Variants in RAPGEF5 observed in about 807,000 individuals in gnomAD.
The protein encoded by RAPGEF5 is Rap guanine nucleotide exchange factor 5.
A neutral mutation model predicts 125.2 loss-of-function variants in RAPGEF5; 65 were observed. The ratio of observed to expected loss-of-function variants is 0.52; its 90% CI spans 0.43 to 0.64. The LOEUF (loss-of-function observed/expected upper bound fraction) is 0.64. RAPGEF5 is among the 30% of genes least tolerant of loss of function. RAPGEF5 has a pLI of 0.00. For synonymous variants in RAPGEF5, 391 were observed against 385.9 expected (o/e 1.01, Z -0.16); for missense variants, 958 against 1,048.1 (o/e 0.91, Z 1.19).
intron 18 of RAPGEF5, among the ~76,000 whole-genome samples, 161 bp downstream of exon 18, chr7:22,150,246 T>C (rs187357738): frequency 4.9e-4 from 75 of 152,092 alleles, no homozygotes; most frequent in African/African-American, 1.7e-3. Context: ...CAGTTAATTC[T>C]TAAGTTTTTT....
At position 22,167,114 on chromosome 7, in the gene RAPGEF5, A is replaced by G. The variant is rs772073070; in HGVS notation, c.1239T>C (p.Thr413=). The G allele has an allele frequency of 6.2e-7, 1 of 1,613,196 alleles. No homozygotes were observed. The highest frequency in any genetic ancestry group is 8.5e-7 in the Non-Finnish European group (1 of 1,179,456). Reference sequence around the variant, plus strand: ...ACAAGTCATCAGTTGTCATGAAGACAGTGTACGTGAGAAGGAAGTCATCCA... The same window carrying G: ...ACAAGTCATCAGTTGTCATGAAGACGGTGTACGTGAGAAGGAAGTCATCCA... The part of the protein sequence containing the change: ...TLLDDFLLTY[T]VFMTTDDLCQ... The change falls in exon 12 of 26, where the codon ACT becomes ACC. Residue 413 remains threonine, a synonymous_variant. Coordinates refer to ENST00000665637, the MANE Select transcript of RAPGEF5 (RefSeq NM_012294.5).
intron 5 of RAPGEF5, among the ~76,000 whole-genome samples, chr7:22,304,142 C>T (rs567386159): frequency 1.3e-5 from 2 of 151,790 alleles, no homozygotes; most frequent in East Asian, 3.9e-4. Flanking sequence ...AACATTCTAC[C>T]ATAACATAAA....
intron 6 of RAPGEF5, among the ~76,000 whole-genome samples, chr7:22,279,382 G>A (rs1284360791): frequency 2.0e-5 from 3 of 152,084 alleles, no homozygotes; most frequent in Non-Finnish European, 1.5e-5. Context: ...TTTCATGATT[G>A]GCATAGGATC....
At chr7:22,151,069 T>C (rs763783036) in intron 17 of RAPGEF5, among the ~76,000 whole-genome samples, 98 of 152,244 alleles carry the variant, frequency 6.4e-4, no homozygotes, top group Non-Finnish European at 1.3e-3. Context: ...TAGTTCATTA[T>C]ACCATCATTT....
intron 1 of RAPGEF5, among the ~76,000 whole-genome samples, chr7:22,319,607 G>A (rs765964028): frequency 2.6e-5 from 4 of 152,116 alleles, no homozygotes; most frequent in Non-Finnish European, 4.4e-5. Context: ...CATGTACCAT[G>A]AGCCTATGTA....
At chr7:22,176,207 T>G (rs774205096) in intron 11 of RAPGEF5, among the ~76,000 whole-genome samples, 3 of 152,174 alleles carry the variant, frequency 2.0e-5, no homozygotes, top group Non-Finnish European at 4.4e-5. Context: ...TTCACTATCA[T>G]GAGAACTGCA....
chr7:22,130,872 TACA>T (rs1174623227), intron 24 of RAPGEF5, 162 bp downstream of exon 24: 1 of 948,020 alleles, frequency 1.1e-6, no homozygotes, highest in African/African-American at 1.7e-5. Flanking sequence ...GTTGGCAGCG[TACA>T]ACATGCAGCA....
chr7:22,295,805 C>T (rs1444723390), intron 5 of RAPGEF5, among the ~76,000 whole-genome samples: 1 of 152,010 alleles, frequency 6.6e-6, no homozygotes, highest in Non-Finnish European at 1.5e-5. Flanking sequence ...GTATTTCCTC[C>T]TCTCCAAGTG....
chr7:22,202,812 G>A (rs1453037360), intron 9 of RAPGEF5: 1 of 195,654 alleles, frequency 5.1e-6, no homozygotes, highest in Non-Finnish European at 1.1e-5. Context: ...CTTTCTAGCT[G>A]GGTGGTCTAT....
chr7:22,169,687 T>C (rs1784282362), intron 11 of RAPGEF5, among the ~76,000 whole-genome samples: 1 of 120,932 alleles, frequency 8.3e-6, no homozygotes, highest in Non-Finnish European at 1.7e-5. Flanking sequence ...AAACTCCATC[T>C]CTACTGTTAA....
chr7:22,156,782 C>G lies in RAPGEF5; in HGVS notation c.1636+28G>C, dbSNP rs748537928. 13 of 1,613,008 alleles carry G rather than the reference C, an allele frequency of 8.1e-6. No individual in the cohort carries two copies. In the South Asian group the frequency reaches 1.1e-4, roughly 14 times the overall value. ...AATGGTGGCTAACTGCTGCCCACCC[C>G]CAAACCCTCACTTCAAACCATACTC... On this transcript the variant is annotated intron_variant, in intron 16 of 25. Coordinates refer to ENST00000665637, the MANE Select transcript of RAPGEF5 (RefSeq NM_012294.5).
chr7:22,154,674 A>C, intron 16 of RAPGEF5, 70 bp from the exon 17 acceptor site: 1 of 1,531,098 alleles, frequency 6.5e-7, no homozygotes, highest in Middle Eastern at 2.2e-4. Flanking sequence ...TTCCAAATCA[A>C]GGCACCTTGA....
At chr7:22,163,993 C>G (rs919970746) in intron 12 of RAPGEF5, among the ~76,000 whole-genome samples, 1 of 152,142 alleles carries the variant, frequency 6.6e-6, no homozygotes, top group Non-Finnish European at 1.5e-5. Flanking sequence ...CAAAAAAAAT[C>G]TGTTTCTATT....
intron 6 of RAPGEF5, among the ~76,000 whole-genome samples, chr7:22,269,302 T>C (rs1413234148): frequency 6.6e-6 from 1 of 151,910 alleles, no homozygotes; most frequent in Non-Finnish European, 1.5e-5. Context: ...TGCTACAGCA[T>C]CTTCACAGTT....
intron 11 of RAPGEF5, among the ~76,000 whole-genome samples, chr7:22,175,239 T>C (rs1210813340): frequency 6.6e-6 from 1 of 152,202 alleles, no homozygotes; most frequent in African/African-American, 2.4e-5. Flanking sequence ...CAAAGAGCAC[T>C]GGATTTGTTA....
At chr7:22,151,035 T>C (rs1432079227) in intron 17 of RAPGEF5, among the ~76,000 whole-genome samples, 2 of 152,238 alleles carry the variant, frequency 1.3e-5, no homozygotes, top group Non-Finnish European at 2.9e-5. Context: ...TATTTACATA[T>C]GTCATGTTTA....
chr7:22,256,922 G>C (rs1400849642), intron 7 of RAPGEF5, among the ~76,000 whole-genome samples: 1 of 152,142 alleles, frequency 6.6e-6, no homozygotes, highest in African/African-American at 2.4e-5. Flanking sequence ...GTAGAAAACT[G>C]TTCAAAGGCA....
intron 24 of RAPGEF5, among the ~76,000 whole-genome samples, chr7:22,129,355 C>T (rs569734816): frequency 1.9e-4 from 29 of 152,232 alleles, no homozygotes; most frequent in African/African-American, 6.7e-4. Flanking sequence ...GATTACTAGG[C>T]CTTTCCAGGG....
Position 22,122,044 on chromosome 7 carries a change from C to G in RAPGEF5, c.*362G>C, listed in dbSNP as rs376758304. On this transcript the variant is annotated 3_prime_UTR_variant, in exon 26 of 26. Transcript: ENST00000665637. ...AACTCCTTCCTGTTTCATGCACGCT[C>G]TTAATGAAATATTTGGTCATTGCAT... is the stretch of plus-strand genomic sequence containing the variant. The G allele has an allele frequency of 2.5e-5, 5 of 204,064 alleles. No homozygotes were observed. In the East Asian group the frequency reaches 4.2e-4, roughly 17 times the overall value. The allele number at this position is 204,064 out of a possible 1,614,324, so 12.6% of individuals were successfully genotyped here.
Sources: allele counts gnomAD v4.1 joint callset (sites outside exome capture counted in the v4.1 genomes callset), GRCh38; gene constraint gnomAD v4.1.1; transcripts MANE v1.5; gene names NCBI Gene and HGNC (gene_info 2026-07-23, HGNC 2026-07-21).